The following RYR2 variants were observed in gnomAD, a reference collection of about 807,000 sequenced individuals.
RYR2 encodes the protein cardiac muscle ryanodine receptor-calcium release channel.
A neutral mutation model predicts 601.1 loss-of-function variants in RYR2; 227 were observed. That is an observed-to-expected ratio of 0.38 (90% CI 0.34 to 0.42). The LOEUF is 0.42. Ranked by LOEUF, RYR2 falls within the 10% of genes least tolerant of loss-of-function variation. The pLI is 1.00. For synonymous variants in RYR2, 2,223 were observed against 2,175.1 expected (o/e 1.02, Z -0.61); for missense variants, 4,646 against 6,156.5 (o/e 0.75, Z 8.21).
At chr1:237,761,197 C>G in intron 84 of RYR2, among the ~76,000 whole-genome samples, 169 bp downstream of exon 84, 1 of 152,080 alleles carries the variant, frequency 6.6e-6, no homozygotes, top group Non-Finnish European at 1.5e-5. Context: ...CACCCTAAAA[C>G]CAACCTTCCA....
Position 237,412,219 on chromosome 1 carries a change from TC to T in RYR2, c.774-4829del, listed in dbSNP as rs1704527795. Among the ~76,000 whole-genome samples, 3 of 152,178 alleles carry T rather than the reference TC, an allele frequency of 2.0e-5. No individual in the cohort carries two copies. In the South Asian group the frequency reaches 6.2e-4, roughly 32 times the overall value. Reference sequence around the variant, plus strand: ...AAATACAAAAATAACTAATTTTATATCAGTGGACAATATTATAATACTTATG... The same window carrying T: ...AAATACAAAAATAACTAATTTTATATAGTGGACAATATTATAATACTTATG... On this transcript the variant is annotated intron_variant, in intron 10 of 104. Coordinates refer to ENST00000366574, the MANE Select transcript of RYR2 (RefSeq NM_001035.3).
intron 45 of RYR2, 123 bp downstream of exon 45, chr1:237,638,615 G>A (rs544366703): frequency 8.4e-6 from 9 of 1,071,590 alleles, no homozygotes; most frequent in Middle Eastern, 2.9e-4. Context: ...TTTTATAATC[G>A]ATAGGGGTTT....
intron 29 of RYR2, among the ~76,000 whole-genome samples, chr1:237,582,923 G>GATATAT (rs71180101): frequency 0.03 from 3,970 of 133,056 alleles, 130 homozygotes; most frequent in African/African-American, 0.083. Flanking sequence ...TTTTCTTTTG[G>GATATAT]ATATATATAT....
chr1:237,256,325 A>G (rs531523353), intron 1 of RYR2, among the ~76,000 whole-genome samples: 1 of 152,290 alleles, frequency 6.6e-6, no homozygotes, highest in East Asian at 1.9e-4. Context: ...TAAATTACTC[A>G]GTCTCTGGTA....
rs1559036053 is a variant in RYR2 at position 237,565,194 on chromosome 1, T to TTCTTTCTTTCTTTCTTC, written c.3215-1373_3215-1372insTCTTTCTTTCTTTCTTC. Reference sequence around the variant, plus strand: ...TTCTTTCTTTCTTTCTTTCTTTCTTTCTTTCTTTCTTTCTTTCTTTCTTTC... The same window carrying TTCTTTCTTTCTTTCTTC: ...TTCTTTCTTTCTTTCTTTCTTTCTTTTCTTTCTTTCTTTCTTCCTTTCTTTCTTTCTTTCTTTCTTTC... On this transcript the variant is annotated intron_variant, in intron 27 of 104. Coordinates refer to ENST00000366574, the MANE Select transcript of RYR2 (RefSeq NM_001035.3). Among the ~76,000 whole-genome samples, 86 of 87,854 alleles carry TTCTTTCTTTCTTTCTTC rather than the reference T, an allele frequency of 9.8e-4. 1 individual carries two copies. The highest frequency in any genetic ancestry group is 1.6e-3 in the Admixed American group (15 of 9,202). 57.6% of individuals were successfully genotyped at this position (87,854 alleles called of 152,430 possible). A position where few individuals can be genotyped will look rare whatever the true frequency, so the allele number is the denominator to read the frequency against.
chr1:237,166,837 C>G (rs1048412347), intron 1 of RYR2, among the ~76,000 whole-genome samples: 1 of 152,112 alleles, frequency 6.6e-6, no homozygotes, highest in Admixed American at 6.5e-5. Context: ...AGTGAATTCA[C>G]TAGGTTCTAG....
intron 4 of RYR2, among the ~76,000 whole-genome samples, chr1:237,359,945 A>T (rs902575320): frequency 1.3e-5 from 2 of 152,240 alleles, no homozygotes; most frequent in African/African-American, 4.8e-5. Flanking sequence ...AGGATGAAAT[A>T]GACTGTGAGA....
intron 1 of RYR2, among the ~76,000 whole-genome samples, chr1:237,135,625 C>A (rs1410645022): frequency 6.6e-6 from 1 of 151,910 alleles, no homozygotes; most frequent in Non-Finnish European, 1.5e-5. Flanking sequence ...ATCCGCTCGC[C>A]TCAGCCTCCC....
chr1:237,550,594 T>C lies in RYR2; in HGVS notation c.3117T>C (p.Asp1039=). The C allele has an allele frequency of 6.2e-7, 1 of 1,606,060 alleles. No homozygotes were observed. ...NPRLVPYTLL[D]DRTKKSNKDS... is the part of the protein sequence containing the mutation. ...GCCTTGTTCCCTACACTCTTCTGGA[T>C]GACCGAACCAAGAAATCCAACAAGG... is the stretch of plus-strand genomic sequence containing the variant. Residue 1039 remains aspartate (D), a synonymous_variant, in exon 27 of 105, where the codon GAT becomes GAC. Transcript: ENST00000366574.
chr1:237,640,054 T>G (rs1681312130), intron 46 of RYR2, among the ~76,000 whole-genome samples: 1 of 152,068 alleles, frequency 6.6e-6, no homozygotes, highest in Non-Finnish European at 1.5e-5. Flanking sequence ...CTTATCAGTT[T>G]CCCATGAAGG....
chr1:237,352,626 A>G (rs1399180451), intron 3 of RYR2, among the ~76,000 whole-genome samples: 1 of 152,182 alleles, frequency 6.6e-6, no homozygotes, highest in African/African-American at 2.4e-5. Context: ...GAAGAGCAAG[A>G]TTATCAAATA....
chr1:237,788,018 C>A lies in RYR2; in HGVS notation c.13359C>A (p.Ala4453=). 6.2e-7 allele frequency: 1 copy of A among 1,602,148 alleles called. No individual in the cohort carries two copies. The highest frequency in any genetic ancestry group is 8.5e-7 in the Non-Finnish European group (1 of 1,173,670). Residue 4453 remains alanine, a synonymous_variant, in exon 92 of 105, where the codon GCC becomes GCA. Coordinates refer to ENST00000366574, the MANE Select transcript of RYR2 (RefSeq NM_001035.3). ...EGEDGEKEEK[A]KEDKGKQKLR... Reference sequence around the variant, plus strand: ...AAGATGGAGAAAAAGAAGAGAAAGCCAAGGAAGACAAGGGCAAACAAAAGT... The same window carrying A: ...AAGATGGAGAAAAAGAAGAGAAAGCAAAGGAAGACAAGGGCAAACAAAAGT...
At chr1:237,147,287 T>C (rs1467489462) in intron 1 of RYR2, among the ~76,000 whole-genome samples, 1 of 152,208 alleles carries the variant, frequency 6.6e-6, no homozygotes, top group Non-Finnish European at 1.5e-5. Flanking sequence ...GTGAGAACTT[T>C]GTTAGTCTTG....
chr1:237,068,114 A>G (rs1663878890), intron 1 of RYR2, among the ~76,000 whole-genome samples: 1 of 148,720 alleles, frequency 6.7e-6, no homozygotes, highest in African/African-American at 2.5e-5. Context: ...CAGAATAGAT[A>G]GCACTAGTAC....
intron 16 of RYR2, among the ~76,000 whole-genome samples, chr1:237,467,608 C>T (rs536600395): frequency 3.9e-5 from 6 of 152,180 alleles, no homozygotes; most frequent in South Asian, 2.1e-4. Flanking sequence ...GTCACAGAGG[C>T]GCTATACACA....
chr1:237,115,124 C>T (rs1223736740), intron 1 of RYR2, among the ~76,000 whole-genome samples: 6 of 152,032 alleles, frequency 3.9e-5, no homozygotes, highest in Non-Finnish European at 5.9e-5. Context: ...CTGTCGGTAC[C>T]TTTGCTGGCT....
intron 1 of RYR2, among the ~76,000 whole-genome samples, chr1:237,130,268 G>A (rs12088991): frequency 0.035 from 5,379 of 152,230 alleles, 341 homozygotes; most frequent in African/African-American, 0.12. Context: ...GTAAAAAAGA[G>A]AGTATGGAGG....
intron 1 of RYR2, among the ~76,000 whole-genome samples, chr1:237,051,302 C>CTCTCTT (rs753075459): frequency 8.6e-5 from 11 of 128,276 alleles, no homozygotes; most frequent in Non-Finnish European, 1.5e-4. Context: ...CTCTCTCTCT[C>CTCTCTT]TTTCTCTTTA....
At chr1:237,290,686 A>G (rs1692098846) in intron 2 of RYR2, among the ~76,000 whole-genome samples, 1 of 152,226 alleles carries the variant, frequency 6.6e-6, no homozygotes, top group South Asian at 2.1e-4. Context: ...CACTACCACC[A>G]ACAACGAAAA....
Sources: allele counts gnomAD v4.1 joint callset (sites outside exome capture counted in the v4.1 genomes callset), GRCh38; gene constraint gnomAD v4.1.1; transcripts MANE v1.5; gene names NCBI Gene and HGNC (gene_info 2026-07-23, HGNC 2026-07-21).